NEGR1: variants seen among roughly 807,000 people sequenced by gnomAD.
NEGR1 encodes IgLON family member 4.
A neutral mutation model predicts 40.9 loss-of-function variants in NEGR1; 10 were observed. The ratio of observed to expected loss-of-function variants is 0.24; its 90% CI spans 0.15 to 0.42. The LOEUF (loss-of-function observed/expected upper bound fraction) is 0.42. Ranked by LOEUF, NEGR1 falls within the 10% of genes least tolerant of loss-of-function variation. The pLI is 1.00. For synonymous variants in NEGR1, 185 were observed against 166.8 expected, an observed-to-expected ratio of 1.11 and a Z score of -0.84; for missense variants, 352 against 438.9, an observed-to-expected ratio of 0.80 and a Z score of 1.77.
At chr1:71,450,724 C>G (rs551926091) in intron 6 of NEGR1, among the ~76,000 whole-genome samples, 3 of 151,864 alleles carry the variant, frequency 2.0e-5, no homozygotes, top group Non-Finnish European at 4.4e-5. Context: ...GCAGGAGAAT[C>G]GCTTGAACCC....
chr1:72,142,264 G>T (rs556015566), intron 1 of NEGR1, among the ~76,000 whole-genome samples: 271 of 151,744 alleles, frequency 1.8e-3, no homozygotes, highest in Non-Finnish European at 3.4e-3. Context: ...TTTCTACTAA[G>T]CAAAACGCAA....
chr1:72,146,874 T>C (rs1431654282), intron 1 of NEGR1, among the ~76,000 whole-genome samples: 1 of 152,210 alleles, frequency 6.6e-6, no homozygotes, highest in Non-Finnish European at 1.5e-5. Flanking sequence ...ATTAAGTGGC[T>C]ACATTAATAA....
At chr1:71,772,312 G>C (rs1656356743) in intron 3 of NEGR1, among the ~76,000 whole-genome samples, 2 of 152,016 alleles carry the variant, frequency 1.3e-5, no homozygotes. Flanking sequence ...ACTGAGGTGG[G>C]AGCATCACTT....
intron 2 of NEGR1, among the ~76,000 whole-genome samples, chr1:71,887,855 AC>A (rs1660768541): frequency 6.6e-6 from 1 of 152,096 alleles, no homozygotes; most frequent in Non-Finnish European, 1.5e-5. Context: ...GGTGGAAACA[AC>A]CTTTTCCATT....
chr1:71,673,937 AT>A (rs1652523389), intron 4 of NEGR1, among the ~76,000 whole-genome samples: 1 of 152,096 alleles, frequency 6.6e-6, no homozygotes, highest in Admixed American at 6.6e-5. Context: ...GTTAGAAAAC[AT>A]TTTTGTACTT....
rs571625765 is a variant in NEGR1, at chr1:72,086,737, A to C, written c.177-151426T>G. Among the ~76,000 whole-genome samples the C allele has an allele frequency of 7.9e-4, 121 of 152,296 alleles. 1 individual carries two copies. Among genetic ancestry groups the C allele is most frequent in the African/African-American group, 2.8e-3 (115 of 41,570 alleles). Reference sequence around the variant, plus strand: ...TGAATTTGTTAATAGATTTATTTAAAATCACATGAGTCATTTTGGGATATA... The same window carrying C: ...TGAATTTGTTAATAGATTTATTTAACATCACATGAGTCATTTTGGGATATA... On this transcript the variant is annotated intron_variant, in intron 1 of 6. Transcript: ENST00000357731.
chr1:71,681,005 G>A (rs1386094991), intron 4 of NEGR1, among the ~76,000 whole-genome samples: 1 of 152,162 alleles, frequency 6.6e-6, no homozygotes, highest in Non-Finnish European at 1.5e-5. Flanking sequence ...AAGGCTGTGG[G>A]TCCAGGTGAC....
intron 6 of NEGR1, among the ~76,000 whole-genome samples, chr1:71,527,898 A>G (rs1045236838): frequency 6.6e-6 from 1 of 151,434 alleles, no homozygotes; most frequent in Non-Finnish European, 1.5e-5. Flanking sequence ...ATTTTGGTAG[A>G]AAATTAATTC....
chr1:71,941,477 C>T (rs1645958887), intron 1 of NEGR1, among the ~76,000 whole-genome samples: 1 of 151,934 alleles, frequency 6.6e-6, no homozygotes, highest in Admixed American at 6.6e-5. Flanking sequence ...TTATGATTGA[C>T]AATATTTAAA....
chr1:72,192,223 T>C (rs1402475461), intron 1 of NEGR1, among the ~76,000 whole-genome samples: 1 of 151,838 alleles, frequency 6.6e-6, no homozygotes, highest in Admixed American at 6.6e-5. Context: ...TCCTCAGTCA[T>C]GTGCGACAAG....
intron 1 of NEGR1, among the ~76,000 whole-genome samples, chr1:72,070,663 G>A (rs1014670506): frequency 7.2e-5 from 11 of 151,916 alleles, no homozygotes; most frequent in African/African-American, 2.4e-4. Context: ...CCATGTATGT[G>A]AACATTAGTA....
At chr1:71,566,419 A>T (rs951539616) in intron 6 of NEGR1, among the ~76,000 whole-genome samples, 10 of 151,946 alleles carry the variant, frequency 6.6e-5, no homozygotes, top group Non-Finnish European at 8.8e-5. Flanking sequence ...CTAGCTTTTT[A>T]AAAAAGTGTT....
chr1:71,962,648 T>G (rs1023653757), intron 1 of NEGR1, among the ~76,000 whole-genome samples: 3 of 152,036 alleles, frequency 2.0e-5, no homozygotes, highest in African/African-American at 7.2e-5. Flanking sequence ...TTAAAGCATA[T>G]CTCATTATAG....
At chr1:71,841,405 C>T (rs558654780) in intron 2 of NEGR1, among the ~76,000 whole-genome samples, 2 of 152,224 alleles carry the variant, frequency 1.3e-5, no homozygotes, top group South Asian at 2.1e-4. Flanking sequence ...TTTACTAGTT[C>T]ATTGCACATC....
At chr1:72,099,953 A>G (rs918542307) in intron 1 of NEGR1, among the ~76,000 whole-genome samples, 5 of 151,992 alleles carry the variant, frequency 3.3e-5, no homozygotes, top group African/African-American at 4.8e-5. Context: ...AGTGGCAAAC[A>G]TTCTTATATT....
intron 2 of NEGR1, among the ~76,000 whole-genome samples, chr1:71,810,484 A>G (rs918939119): frequency 6.6e-6 from 1 of 152,164 alleles, no homozygotes; most frequent in Admixed American, 6.6e-5. Flanking sequence ...CATATCAAAT[A>G]TACAATATGG....
intron 6 of NEGR1, among the ~76,000 whole-genome samples, chr1:71,502,648 G>A (rs976280907): frequency 1.3e-5 from 2 of 152,176 alleles, no homozygotes; most frequent in African/African-American, 4.8e-5. Context: ...GCTCCCTGTA[G>A]AGGCTATAGA....
chr1:72,076,720 A>G (rs1320647616), intron 1 of NEGR1, among the ~76,000 whole-genome samples: 2 of 152,078 alleles, frequency 1.3e-5, no homozygotes, highest in Non-Finnish European at 2.9e-5. Flanking sequence ...ACATGCGTGC[A>G]CACGCGCACA....
intron 1 of NEGR1, among the ~76,000 whole-genome samples, chr1:72,128,543 G>A (rs1377285912): frequency 6.6e-6 from 1 of 152,040 alleles, no homozygotes; most frequent in Non-Finnish European, 1.5e-5. Context: ...AAATATGGTA[G>A]TTATATAAAA....
Sources: gnomAD v4.1 joint callset for allele counts (sites outside exome capture counted in the v4.1 genomes callset) on GRCh38, gnomAD v4.1.1 for gene constraint, MANE v1.5 for transcripts, NCBI Gene and HGNC (gene_info 2026-07-23, HGNC 2026-07-21) for gene names.